KCNT1: variants seen among roughly 807,000 people sequenced by gnomAD.
KCNT1 encodes potassium channel subfamily T member 1.
KCNT1 carries 78 observed loss-of-function variants against 147.8 expected under a neutral mutation model. The observed-to-expected ratio is 0.53, with a 90% confidence interval of 0.44 to 0.64. KCNT1 has a LOEUF of 0.64. Among genes scored for constraint, KCNT1 ranks in the 30% least tolerant of loss-of-function variants. The pLI, the probability that KCNT1 is intolerant of heterozygous loss-of-function variation, is 0.00. For missense variants in KCNT1, 1,419 were observed against 1,750.3 expected (o/e 0.81, Z 3.38); for synonymous variants, 867 against 748.8 (o/e 1.16, Z -2.58).
At chr9:135,743,215 G>A (rs538542366) in intron 2 of KCNT1, among the ~76,000 whole-genome samples, 5 of 152,212 alleles carry the variant, frequency 3.3e-5, no homozygotes, top group East Asian at 3.9e-4. Context: ...ATGCGCTCTC[G>A]GAGGCTGTGC....
intron 13 of KCNT1, among the ~76,000 whole-genome samples, chr9:135,766,922 T>G (rs1018883667): frequency 7.9e-5 from 12 of 152,128 alleles, no homozygotes; most frequent in Non-Finnish European, 1.5e-4. Flanking sequence ...TCAGCTGCTG[T>G]GAGTCAAGGT....
At chr9:135,743,533 G>C (rs1830665503) in intron 2 of KCNT1, among the ~76,000 whole-genome samples, 1 of 152,176 alleles carries the variant, frequency 6.6e-6, no homozygotes, top group Admixed American at 6.5e-5. Flanking sequence ...TGGGAGGCCA[G>C]TGGCCACCAC....
intron 2 of KCNT1, among the ~76,000 whole-genome samples, chr9:135,724,066 C>A (rs1836031132): frequency 1.3e-5 from 2 of 152,216 alleles, no homozygotes; most frequent in Admixed American, 1.3e-4. Flanking sequence ...CCTGCTTTCC[C>A]CTCTGAATTT....
chr9:135,792,315 C>A lies in KCNT1; in HGVS notation c.*154C>A, dbSNP rs991104574. 146 of 1,018,440 alleles carry A rather than the reference C, an allele frequency of 1.4e-4. No homozygotes were observed. The African/African-American group carries it at 2.3e-3, about 16-fold the overall frequency. The allele number at this position is 1,018,440 out of a possible 1,614,324, so 63.1% of individuals were successfully genotyped here. A position where few individuals can be genotyped will look rare whatever the true frequency, so the allele number is the denominator to read the frequency against. ...GACTCCACCCTGGAAAGGAGCCCCTCATGCGGGGGGAGGGCCAGCTCACCC... is the reference window on the plus strand; with the variant it reads ...GACTCCACCCTGGAAAGGAGCCCCTAATGCGGGGGGAGGGCCAGCTCACCC... On this transcript the variant is annotated 3_prime_UTR_variant, in exon 31 of 31. Coordinates refer to ENST00000371757, the MANE Select transcript of KCNT1 (RefSeq NM_020822.3).
At chr9:135,732,030 A>AGGGG (rs1564328347) in intron 2 of KCNT1, among the ~76,000 whole-genome samples, 6 of 134,372 alleles carry the variant, frequency 4.5e-5, no homozygotes, top group Non-Finnish European at 6.5e-5. Flanking sequence ...AGAGAGAGAG[A>AGGGG]GAGAGAGAGA....
chr9:135,745,350 C>T (rs2131393788), intron 2 of KCNT1, among the ~76,000 whole-genome samples: 1 of 152,304 alleles, frequency 6.6e-6, no homozygotes. Flanking sequence ...GAGCAACTTG[C>T]CATGAGCGGG....
At chr9:135,788,901 C>T (rs760177410) in intron 29 of KCNT1, 8 of 152,480 alleles carry the variant, frequency 5.2e-5, no homozygotes, top group Non-Finnish European at 8.8e-5. Flanking sequence ...CGCTGCCACA[C>T]CTCCCTACAG....
intron 19 of KCNT1, among the ~76,000 whole-genome samples, chr9:135,774,420 CTGTGTGT>C (rs1468880361): frequency 8.3e-5 from 7 of 84,620 alleles, no homozygotes; most frequent in Non-Finnish European, 1.1e-4. Flanking sequence ...TGGTGTGTGT[CTGTGTGT>C]TGTGTGGTGT....
intron 2 of KCNT1, among the ~76,000 whole-genome samples, chr9:135,731,912 C>A (rs1437729683): frequency 6.9e-6 from 1 of 144,290 alleles, no homozygotes; most frequent in African/African-American, 2.6e-5. Context: ...GTGCACAGTT[C>A]TTTCTTTGCT....
At chr9:135,742,937 G>C in intron 2 of KCNT1, 1 of 667,850 alleles carries the variant, frequency 1.5e-6, no homozygotes. Flanking sequence ...AGGGCCACCG[G>C]CACCTCCCAG....
intron 2 of KCNT1, among the ~76,000 whole-genome samples, chr9:135,731,987 T>G (rs181711896): frequency 0.05 from 1,073 of 21,406 alleles, 31 homozygotes; most frequent in Middle Eastern, 0.088. Context: ...TATATATATA[T>G]ATATAGAGAG....
rs567469117 is a variant in KCNT1 at position 135,781,881 on chromosome 9, G to A, written c.2842-2143G>A. ...GAAGATCGCTTGAGGCCAGAAGTTCGAGACCAGCCCAGGCAACATAGCAAG... is the reference window on the plus strand; with the variant it reads ...GAAGATCGCTTGAGGCCAGAAGTTCAAGACCAGCCCAGGCAACATAGCAAG... On this transcript the variant is annotated intron_variant, in intron 24 of 30. Coordinates refer to ENST00000371757, the MANE Select transcript of KCNT1 (RefSeq NM_020822.3). Among the ~76,000 whole-genome samples the A allele has an allele frequency of 2.8e-3, 427 of 152,278 alleles. 2 individuals carry two copies. Among genetic ancestry groups the A allele is most frequent in the African/African-American group, 1.0e-2 (415 of 41,566 alleles).
At chr9:135,774,608 TTGTGTATGTTGTGTGTCGA>T (rs1833023849) in intron 19 of KCNT1, among the ~76,000 whole-genome samples, 1 of 151,686 alleles carries the variant, frequency 6.6e-6, no homozygotes, top group African/African-American at 2.4e-5. Context: ...GTGTTGTGTG[TTGTGTATGTTGTGTGTCGA>T]TGTGTGTGTT....
chr9:135,745,535 G>A (rs567776708), intron 2 of KCNT1, among the ~76,000 whole-genome samples: 6 of 152,330 alleles, frequency 3.9e-5, no homozygotes, highest in African/African-American at 1.4e-4. Context: ...TTGAGCAGAC[G>A]GGTGCTGGCC....
intron 2 of KCNT1, among the ~76,000 whole-genome samples, chr9:135,722,568 T>C (rs1835967163): frequency 6.6e-6 from 1 of 152,178 alleles, no homozygotes; most frequent in Non-Finnish European, 1.5e-5. Context: ...CTCGTCTCAG[T>C]CTTCCCAGCT....
chr9:135,752,593 G>A lies in KCNT1; in HGVS notation c.435-1344G>A, dbSNP rs1227320031. On this transcript the variant is annotated intron_variant, in intron 4 of 30. Coordinates refer to ENST00000371757, the MANE Select transcript of KCNT1 (RefSeq NM_020822.3). This position sits in a 1 kb window ranked among gnomAD's most constrained non-coding sequence, Gnocchi z 5.1. ...ATGGATGGGGGTGGGAAGATGGGTG[G>A]ATGATGGATGGATGGTTGGATGGAT... 5.6e-6 allele frequency: 2 copies of A among 355,524 alleles called. No individual in the cohort carries two copies. The highest frequency in any genetic ancestry group is 1.1e-5 in the Non-Finnish European group (2 of 179,150). 22.0% of individuals were successfully genotyped at this position (355,524 alleles called of 1,614,324 possible).
rs1744075732 is a variant in KCNT1 at position 135,794,367 on chromosome 9, G to C, written c.*2206G>C. 6.6e-6 allele frequency: 1 copy of C among 152,424 alleles called. No homozygotes were observed. Among genetic ancestry groups the C allele is most frequent in the African/African-American group, 2.4e-5 (1 of 41,468 alleles). The allele number at this position is 152,424 out of a possible 1,614,324, so 9.4% of individuals were successfully genotyped here. On this transcript the variant is annotated 3_prime_UTR_variant, in exon 31 of 31. Coordinates refer to ENST00000371757, the MANE Select transcript of KCNT1 (RefSeq NM_020822.3). ...AGGCTTGCTGCCCAAGAGGGGCTGG[G>C]TGAGCACTTGGGGCCTCTGAGAACA... is the stretch of plus-strand genomic sequence containing the variant.
chr9:135,755,827 G>A (rs145160734), intron 6 of KCNT1, among the ~76,000 whole-genome samples: 1 of 148,802 alleles, frequency 6.7e-6, no homozygotes, highest in Non-Finnish European at 1.5e-5. Context: ...GACAAATCCA[G>A]GCTCAGTAAA....
chr9:135,778,501 G>A lies in KCNT1; in HGVS notation c.2594+6G>A, dbSNP rs973179248. The A allele has an allele frequency of 5.7e-5, 90 of 1,576,968 alleles. No homozygotes were observed. The highest frequency in any genetic ancestry group is 7.4e-5 in the Non-Finnish European group (86 of 1,161,214). ...ATGGAGGGCTCTGTGGACAAGTAAG[G>A]CGTGGCCGGCCGAGGCTCGTGGGGG... On this transcript the variant is annotated splice_donor_region_variant and intron_variant, in intron 22 of 30. Coordinates refer to ENST00000371757, the MANE Select transcript of KCNT1 (RefSeq NM_020822.3).
Sources: gnomAD v4.1 joint callset for allele counts (sites outside exome capture counted in the v4.1 genomes callset) on GRCh38, gnomAD v4.1.1 for gene constraint, Gnocchi (gnomAD v3.1) non-coding constraint, MANE v1.5 for transcripts, NCBI Gene and HGNC (gene_info 2026-07-23, HGNC 2026-07-21) for gene names.